The following AFG2A variants were observed in gnomAD, a reference collection of about 807,000 sequenced individuals.
AFG2A encodes the protein AAA ATPase AFG2A, also known as ATPase family gene 2 protein homolog A.
chr4:122,985,819 G>A, the AFG2A span, among the ~76,000 whole-genome samples: 1 of 148,960 alleles, frequency 6.7e-6, no homozygotes, highest in Admixed American at 6.7e-5. Flanking sequence ...CTTGGTTTGG[G>A]GTTCGGTTTG....
chr4:123,263,152 T>G, the AFG2A span, among the ~76,000 whole-genome samples: 1 of 152,198 alleles, frequency 6.6e-6, no homozygotes, highest in Non-Finnish European at 1.5e-5. Flanking sequence ...ATCACTGTTG[T>G]GGTCAGATTT....
At chr4:123,318,105 A>G in the AFG2A span, 1 of 152,242 alleles carries the variant, frequency 6.6e-6, no homozygotes, top group Non-Finnish European at 1.5e-5. Flanking sequence ...ATTTAACTCA[A>G]TTCCATGAAT....
chr4:123,011,305 G>A, the AFG2A span, among the ~76,000 whole-genome samples: 1 of 152,270 alleles, frequency 6.6e-6, no homozygotes, highest in African/African-American at 2.4e-5. Flanking sequence ...GGCAGAGTAG[G>A]CTTTTTATTT....
At chr4:123,051,282 A>G in the AFG2A span, among the ~76,000 whole-genome samples, 18 of 151,648 alleles carry the variant, frequency 1.2e-4, no homozygotes, top group East Asian at 3.3e-3. Flanking sequence ...TTAGCTTTGT[A>G]ATTACCTTGA....
chr4:123,271,925 A>G, the AFG2A span, among the ~76,000 whole-genome samples: 1 of 152,004 alleles, frequency 6.6e-6, no homozygotes, highest in African/African-American at 2.4e-5. Context: ...TCACTGGCAC[A>G]TGAGTAAGAT....
the AFG2A span, among the ~76,000 whole-genome samples, chr4:122,940,344 T>A: frequency 1.3e-5 from 2 of 152,190 alleles, no homozygotes; most frequent in East Asian, 1.9e-4. Context: ...TGAGATGGTA[T>A]CTCATTGTGG....
chr4:123,198,756 A>G, the AFG2A span, among the ~76,000 whole-genome samples: 10,308 of 152,164 alleles, frequency 0.068, 1,178 homozygotes, highest in African/African-American at 0.23. Context: ...ACCTGAAATT[A>G]CCTTTGCTAA....
At chr4:123,189,816 T>TC in the AFG2A span, among the ~76,000 whole-genome samples, 189 of 133,924 alleles carry the variant, frequency 1.4e-3, no homozygotes, top group African/African-American at 4.4e-3. Context: ...TTGCTTTTTT[T>TC]TTTTTTTTTT....
At chr4:123,122,422 A>G in the AFG2A span, among the ~76,000 whole-genome samples, 1 of 152,220 alleles carries the variant, frequency 6.6e-6, no homozygotes, top group Non-Finnish European at 1.5e-5. Context: ...AGCCTAACAT[A>G]AAACCTGTTT....
At chr4:123,293,821 A>T in the AFG2A span, among the ~76,000 whole-genome samples, 3 of 152,192 alleles carry the variant, frequency 2.0e-5, no homozygotes, top group African/African-American at 7.2e-5. Context: ...AGATGCTGAG[A>T]GCACTCCCAC....
At chr4:123,111,749 T>C in the AFG2A span, among the ~76,000 whole-genome samples, 1 of 152,058 alleles carries the variant, frequency 6.6e-6, no homozygotes, top group Non-Finnish European at 1.5e-5. Context: ...TTATTATTAT[T>C]ATTTTGAGAC....
chr4:123,016,381 C>T, the AFG2A span, among the ~76,000 whole-genome samples: 8 of 150,586 alleles, frequency 5.3e-5, no homozygotes, highest in Non-Finnish European at 7.4e-5. Context: ...GGTTGCCAGG[C>T]GGAGGGTCTC....
chr4:122,993,910 G>T, the AFG2A span, among the ~76,000 whole-genome samples: 123,161 of 151,934 alleles, frequency 0.81, 51,664 homozygotes, highest in East Asian at 0.96. Flanking sequence ...ACTTTTAATG[G>T]ATTTTACAGT....
the AFG2A span, among the ~76,000 whole-genome samples, chr4:123,275,669 C>T: frequency 6.6e-6 from 1 of 152,028 alleles, no homozygotes; most frequent in East Asian, 1.9e-4. Flanking sequence ...CTCAAGTAGG[C>T]CCCAGTGTCT....
At chr4:122,991,111 T>C in the AFG2A span, among the ~76,000 whole-genome samples, 1 of 152,242 alleles carries the variant, frequency 6.6e-6, no homozygotes, top group African/African-American at 2.4e-5. Flanking sequence ...TATTTTGCAA[T>C]GTGAATGCAA....
the AFG2A span, among the ~76,000 whole-genome samples, chr4:123,223,895 T>C: frequency 2.6e-5 from 4 of 152,360 alleles, no homozygotes; most frequent in African/African-American, 9.6e-5. Flanking sequence ...GATTGTTTCC[T>C]TTGCCTTGCA....
At chr4:122,996,242 G>A in the AFG2A span, among the ~76,000 whole-genome samples, 2 of 152,192 alleles carry the variant, frequency 1.3e-5, no homozygotes, top group Admixed American at 6.5e-5. Flanking sequence ...ATCCTGTAAT[G>A]TGTACACCTC....
At chr4:123,313,739 C>T in the AFG2A span, 5 of 659,788 alleles carry the variant, frequency 7.6e-6, no homozygotes, top group Admixed American at 7.6e-5. Flanking sequence ...CTTTTGAAAA[C>T]TTGAGTGGAC....
chr4:123,267,761 T>C, the AFG2A span, among the ~76,000 whole-genome samples: 2 of 152,100 alleles, frequency 1.3e-5, no homozygotes, highest in African/African-American at 4.8e-5. Flanking sequence ...AACTTGTCTA[T>C]ATTTTATGAC....
Sources: allele counts gnomAD v4.1 joint callset (sites outside exome capture counted in the v4.1 genomes callset), GRCh38; gene constraint gnomAD v4.1.1; transcripts MANE v1.5; gene names NCBI Gene and HGNC (gene_info 2026-07-23, HGNC 2026-07-21).